SLC5A8: variants seen among roughly 807,000 people sequenced by gnomAD.
SLC5A8 encodes solute carrier family 5 member 8.
SLC5A8 carries 55 observed loss-of-function variants against 71.9 expected under a neutral mutation model. The observed-to-expected ratio is 0.77, with a 90% confidence interval of 0.62 to 0.96. The LOEUF (loss-of-function observed/expected upper bound fraction) is 0.96, where lower values mean the gene tolerates loss of function less well. Among genes scored for constraint, SLC5A8 ranks in the 40% least tolerant of loss-of-function variants. The probability of loss-of-function intolerance (pLI) is 0.00; values close to 1 mark genes in which losing one functional copy is unlikely to be tolerated. For missense variants in SLC5A8, 701 were observed against 745.3 expected, an observed-to-expected ratio of 0.94 and a Z score of 0.69; for synonymous variants, 307 against 276.1, an observed-to-expected ratio of 1.11 and a Z score of -1.11.
chr12:101,165,139 T>C (rs1408741489), intron 12 of SLC5A8, among the ~76,000 whole-genome samples: 1 of 152,152 alleles, frequency 6.6e-6, no homozygotes, highest in African/African-American at 2.4e-5. Flanking sequence ...GGATACTAAA[T>C]AAATGGCCAG....
chr12:101,210,103 C>A lies in SLC5A8; in HGVS notation c.-255G>T. On this transcript the variant is annotated 5_prime_UTR_variant, in exon 1 of 15. Coordinates refer to ENST00000536262, the MANE Select transcript of SLC5A8 (RefSeq NM_145913.5). The stretch of plus-strand genomic sequence containing the variant: ...GGACCTCGGAAAATCGACCCGCTGC[C>A]CTGAGTGCTCACCACGTGAGGAACT... The A allele has an allele frequency of 2.2e-6, 1 of 459,038 alleles. No individual in the cohort carries two copies. The highest frequency in any genetic ancestry group is 3.8e-6 in the Non-Finnish European group (1 of 263,766). The allele number at this position is 459,038 out of a possible 1,614,324, so 28.4% of individuals were successfully genotyped here.
intron 3 of SLC5A8, among the ~76,000 whole-genome samples, chr12:101,195,522 G>A (rs1869132472): frequency 6.6e-6 from 1 of 152,002 alleles, no homozygotes. Context: ...ATGTAATGTT[G>A]CAAATACCTG....
At chr12:101,209,364 G>A in intron 1 of SLC5A8, 134 bp downstream of exon 1, 4 of 669,174 alleles carry the variant, frequency 6.0e-6, no homozygotes, top group Admixed American at 6.0e-5. Context: ...AGTGAAGGGA[G>A]GGTGATGATG....
chr12:101,190,705 A>G, intron 5 of SLC5A8, 97 bp from the exon 6 acceptor site: 4 of 983,784 alleles, frequency 4.1e-6, no homozygotes, highest in Non-Finnish European at 5.7e-6. Flanking sequence ...GCACATTTAT[A>G]TACACAACAC....
chr12:101,202,093 A>C, intron 3 of SLC5A8, 71 bp downstream of exon 3: 1 of 1,434,552 alleles, frequency 7.0e-7, no homozygotes, highest in Non-Finnish European at 9.8e-7. Context: ...CATCTCCCCA[A>C]GGAGAAAATA....
chr12:101,168,024 T>G (rs760571440), intron 11 of SLC5A8, 72 bp downstream of exon 11: 50 of 1,391,158 alleles, frequency 3.6e-5, no homozygotes, highest in Non-Finnish European at 4.4e-5. Context: ...AGGAACCAAC[T>G]GAGAAAAAAG....
intron 10 of SLC5A8, among the ~76,000 whole-genome samples, chr12:101,170,946 A>G (rs2051823870): frequency 6.6e-6 from 1 of 152,182 alleles, no homozygotes; most frequent in African/African-American, 2.4e-5. Flanking sequence ...TTCGCTTTGC[A>G]TCATTGTTGA....
intron 10 of SLC5A8, among the ~76,000 whole-genome samples, chr12:101,171,033 T>C (rs529446447): frequency 3.9e-5 from 6 of 152,156 alleles, no homozygotes; most frequent in Non-Finnish European, 8.8e-5. Flanking sequence ...AGCAGGATGG[T>C]GTCGTGGGCC....
At chr12:101,188,595 C>T (rs534033486) in intron 6 of SLC5A8, among the ~76,000 whole-genome samples, 2 of 152,306 alleles carry the variant, frequency 1.3e-5, no homozygotes, top group South Asian at 4.1e-4. Context: ...TCTGTTCAGA[C>T]TGCATTACAG....
intron 9 of SLC5A8, among the ~76,000 whole-genome samples, chr12:101,181,853 G>T (rs1186734143): frequency 6.6e-6 from 1 of 152,100 alleles, no homozygotes; most frequent in African/African-American, 2.4e-5. Flanking sequence ...AATACTGAAG[G>T]ATATAAATTA....
chr12:101,162,358 G>C lies in SLC5A8; in HGVS notation c.1527-281C>G, dbSNP rs1278914061. On this transcript the variant is annotated intron_variant, in intron 12 of 14. Coordinates refer to ENST00000536262, the MANE Select transcript of SLC5A8 (RefSeq NM_145913.5). ...TGGACAGTCAGCCATAAATAAGGTA[G>C]ATAAACCATTTGACCCAGCAATCCC... is the stretch of plus-strand genomic sequence containing the variant. 2.0e-5 allele frequency among the ~76,000 whole-genome samples: 3 copies of C among 152,170 alleles called. No individual in the cohort carries two copies. The East Asian group carries it at 5.8e-4, about 29-fold the overall frequency.
At chr12:101,193,989 T>A (rs1191476802) in intron 4 of SLC5A8, among the ~76,000 whole-genome samples, 27 of 151,570 alleles carry the variant, frequency 1.8e-4, no homozygotes, top group Admixed American at 1.8e-3. Flanking sequence ...AAGATGGAGG[T>A]TCCGCCCAGC....
intron 12 of SLC5A8, among the ~76,000 whole-genome samples, chr12:101,163,566 CTACTTG>C (rs1248146168): frequency 6.6e-6 from 1 of 152,162 alleles, no homozygotes; most frequent in Non-Finnish European, 1.5e-5. Context: ...GTAATCCCAG[CTACTTG>C]GGAGGCTGAG....
chr12:101,201,479 C>G (rs575151480), intron 3 of SLC5A8, among the ~76,000 whole-genome samples: 3 of 152,136 alleles, frequency 2.0e-5, no homozygotes, highest in African/African-American at 7.2e-5. Flanking sequence ...AAATTCACTT[C>G]GAATAGATAA....
chr12:101,184,367 C>T, intron 7 of SLC5A8, 145 bp from the exon 8 acceptor site: 2 of 671,822 alleles, frequency 3.0e-6, no homozygotes, highest in East Asian at 5.5e-5. Flanking sequence ...TAAAATTAAA[C>T]TGTTTAACTA....
At chr12:101,174,725 C>T (rs1211836216) in intron 10 of SLC5A8, among the ~76,000 whole-genome samples, 1 of 152,078 alleles carries the variant, frequency 6.6e-6, no homozygotes, top group Non-Finnish European at 1.5e-5. Context: ...CACAATATGT[C>T]TCATAGTATT....
chr12:101,178,869 AC>A (rs1311372361), intron 10 of SLC5A8, among the ~76,000 whole-genome samples: 1 of 152,140 alleles, frequency 6.6e-6, no homozygotes, highest in Non-Finnish European at 1.5e-5. Flanking sequence ...GGATAAAAAG[AC>A]AAACTACTGT....
intron 7 of SLC5A8, 84 bp from the exon 8 acceptor site, chr12:101,184,306 C>A (rs1316928734): frequency 8.9e-7 from 1 of 1,125,948 alleles, no homozygotes; most frequent in Non-Finnish European, 1.3e-6. Context: ...TGTCTTGTCT[C>A]CTTCGGGAAC....
At chr12:101,197,382 G>A (rs1869231073) in intron 3 of SLC5A8, among the ~76,000 whole-genome samples, 1 of 152,066 alleles carries the variant, frequency 6.6e-6, no homozygotes, top group Admixed American at 6.5e-5. Flanking sequence ...GACATTCTGG[G>A]ACTCCTGAAG....
Sources: gnomAD v4.1 joint callset for allele counts (sites outside exome capture counted in the v4.1 genomes callset) on GRCh38, gnomAD v4.1.1 for gene constraint, MANE v1.5 for transcripts, NCBI Gene and HGNC (gene_info 2026-07-23, HGNC 2026-07-21) for gene names.